The following ZNF536 variants were observed in gnomAD, a reference collection of about 807,000 sequenced individuals.
ZNF536 encodes zinc finger protein 536.
Under a neutral mutation model 84.5 loss-of-function variants are expected in ZNF536, and 13 were observed. The observed-to-expected ratio is 0.15, with a 90% CI of 0.10 to 0.24. The LOEUF is 0.24. Among genes scored for constraint, ZNF536 ranks in the 10% least tolerant of loss-of-function variants. The probability of loss-of-function intolerance (pLI) is 1.00; values close to 1 mark genes in which losing one functional copy is unlikely to be tolerated. For missense variants in ZNF536, 1,536 were observed against 1,747.5 expected (o/e 0.88, Z 2.16); for synonymous variants, 811 against 742.5 (o/e 1.09, Z -1.50).
intron 2 of ZNF536, among the ~76,000 whole-genome samples, chr19:30,449,399 C>T (rs896153445): frequency 6.6e-6 from 1 of 152,212 alleles, no homozygotes; most frequent in African/African-American, 2.4e-5. Context: ...TCTCTAAAAC[C>T]TCCTCTAGGG....
intron 2 of ZNF536, among the ~76,000 whole-genome samples, chr19:30,522,835 A>AAT (rs973547820): frequency 6.6e-6 from 1 of 152,134 alleles, no homozygotes; most frequent in Non-Finnish European, 1.5e-5. Context: ...TATGGTTCTA[A>AAT]ATATATATAT....
Position 30,444,801 on chromosome 19 carries a change from G to T in ZNF536, c.1239G>T (p.Val413=). The T allele has an allele frequency of 1.2e-6, 2 of 1,613,920 alleles. No individual in the cohort carries two copies. Among genetic ancestry groups the T allele is most frequent in the Non-Finnish European group, 1.7e-6 (2 of 1,180,042 alleles). The change falls in exon 2 of 5, where the codon GTG becomes GTT. Residue 413 remains valine, a synonymous_variant. Coordinates refer to ENST00000355537, the MANE Select transcript of ZNF536 (RefSeq NM_014717.3). Reference sequence around the variant, plus strand: ...CCCCCAGCGACCCCGAGGTGCCTGTGCCCATGGGCGGCATGTCCCAGGAGG... The same window carrying T: ...CCCCCAGCGACCCCGAGGTGCCTGTTCCCATGGGCGGCATGTCCCAGGAGG... ...NKSPSDPEVP[V]PMGGMSQEAH... is the part of the protein sequence containing the mutation.
rs35137042 is a variant in ZNF536, at chr19:30,649,549, C to CT, written c.170-61190dup. ...TGATATTTATTAAAGCAGCATTTTC[C>CT]TTTTTTTTTTTTTTTTTTGCTATTG... On this transcript the variant is annotated intron_variant, in intron 1 of 1. Coordinates refer to the ZNF536 transcript ENST00000592773. Among the ~76,000 whole-genome samples the CT allele has an allele frequency of 8.5e-3, 1,048 of 123,856 alleles. 12 individuals carry two copies. Among genetic ancestry groups the CT allele is most frequent in the African/African-American group, 0.018 (608 of 32,978 alleles). The allele number at this position is 123,856 out of a possible 152,430, so 81.3% of individuals were successfully genotyped here.
chr19:30,648,989 GA>G (rs1235135421), intron 1 of ZNF536, among the ~76,000 whole-genome samples: 3 of 152,148 alleles, frequency 2.0e-5, no homozygotes, highest in Non-Finnish European at 4.4e-5. Context: ...TTTCTTCACT[GA>G]AAGAGTCTAT....
intron 1 of ZNF536, chr19:30,668,683 A>G (rs946657861): frequency 1.4e-5 from 2 of 147,922 alleles, no homozygotes; most frequent in Non-Finnish European, 3.0e-5. Flanking sequence ...GGTCTCCTCT[A>G]TAAGGCGGGT....
Position 30,704,256 on chromosome 19 carries a change from A to G in ZNF536, c.170-6501A>G, listed in dbSNP as rs139843255. On this transcript the variant is annotated intron_variant, in intron 1 of 1. Transcript: ENST00000592773. ...TATTCTGCATCTTCAACATTGATGG[A>G]CATTAGCATCTTCCTTACACCTCTA... is the stretch of plus-strand genomic sequence containing the variant. 2.0e-3 allele frequency among the ~76,000 whole-genome samples: 300 copies of G among 152,320 alleles called. 2 individuals are homozygous for G. The highest frequency in any genetic ancestry group is 6.9e-3 in the African/African-American group (287 of 41,568).
At chr19:30,253,875 CAGAT>C (rs2024761784) in intron 1 of ZNF536, among the ~76,000 whole-genome samples, 1 of 152,120 alleles carries the variant, frequency 6.6e-6, no homozygotes, top group Admixed American at 6.5e-5. Flanking sequence ...AAAGCCTCAT[CAGAT>C]TAGTGAGTCA....
chr19:30,557,036 T>C, intron 4 of ZNF536, 121 bp from the exon 5 acceptor site: 1 of 1,139,354 alleles, frequency 8.8e-7, no homozygotes, highest in South Asian at 1.5e-5. Context: ...ATTTTATAAA[T>C]AACACTTTAT....
intron 2 of ZNF536, among the ~76,000 whole-genome samples, chr19:30,492,362 T>C (rs1171301462): frequency 6.6e-6 from 1 of 152,220 alleles, no homozygotes; most frequent in African/African-American, 2.4e-5. Flanking sequence ...CAATGGCATG[T>C]ATCTCGTACA....
chr19:30,609,255 A>C (rs2048005356), intron 1 of ZNF536, among the ~76,000 whole-genome samples: 2 of 152,318 alleles, frequency 1.3e-5, no homozygotes, highest in Admixed American at 1.3e-4. Flanking sequence ...TGAGCCTTCT[A>C]TCAGTCAATA....
At chr19:30,656,870 C>T (rs888602239) in intron 1 of ZNF536, among the ~76,000 whole-genome samples, 4 of 152,130 alleles carry the variant, frequency 2.6e-5, no homozygotes, top group Admixed American at 6.5e-5. Flanking sequence ...AGGGGAGATG[C>T]GAGGGCTGGG....
intron 4 of ZNF536, among the ~76,000 whole-genome samples, chr19:30,551,898 C>G (rs919933808): frequency 2.6e-5 from 4 of 152,150 alleles, no homozygotes; most frequent in Non-Finnish European, 5.9e-5. Context: ...CATCCCACTC[C>G]CCCCATATCT....
chr19:30,579,816 G>A (rs1486615034), intron 1 of ZNF536, among the ~76,000 whole-genome samples: 1 of 152,138 alleles, frequency 6.6e-6, no homozygotes, highest in African/African-American at 2.4e-5. Flanking sequence ...ACAGCACTCT[G>A]GTGAGATGTT....
At chr19:30,454,543 A>G (rs1162776251) in intron 2 of ZNF536, among the ~76,000 whole-genome samples, 1 of 152,230 alleles carries the variant, frequency 6.6e-6, no homozygotes, top group Non-Finnish European at 1.5e-5. Flanking sequence ...TGTTGCTAAA[A>G]TATGTGTTTT....
chr19:30,248,538 C>T (rs569195378), intron 1 of ZNF536, among the ~76,000 whole-genome samples: 1 of 152,056 alleles, frequency 6.6e-6, no homozygotes, highest in Non-Finnish European at 1.5e-5. Context: ...GCCACTGTGC[C>T]CAACCAGAAT....
intron 1 of ZNF536, among the ~76,000 whole-genome samples, chr19:30,438,521 C>T (rs541153600): frequency 6.6e-6 from 1 of 152,198 alleles, no homozygotes; most frequent in African/African-American, 2.4e-5. Context: ...TGGGGGTGGG[C>T]TGTGGCAGGA....
chr19:30,665,087 T>C (rs1330514768), intron 1 of ZNF536, among the ~76,000 whole-genome samples: 2 of 152,354 alleles, frequency 1.3e-5, no homozygotes, highest in East Asian at 3.9e-4. Flanking sequence ...CTCATGCCTG[T>C]AATCCCAGCA....
At chr19:30,437,101 C>A (rs999426035) in intron 1 of ZNF536, among the ~76,000 whole-genome samples, 3 of 152,094 alleles carry the variant, frequency 2.0e-5, no homozygotes, top group Non-Finnish European at 4.4e-5. Flanking sequence ...GGAAAAAGCT[C>A]TTTCATACAA....
At chr19:30,411,520 ATGT>A (rs2050495060) in intron 1 of ZNF536, among the ~76,000 whole-genome samples, 2 of 152,134 alleles carry the variant, frequency 1.3e-5, no homozygotes, top group African/African-American at 4.8e-5. Context: ...GTGTGAAGTA[ATGT>A]TGTGTAATGT....
Sources: allele counts gnomAD v4.1 joint callset (sites outside exome capture counted in the v4.1 genomes callset), GRCh38; gene constraint gnomAD v4.1.1; transcripts MANE v1.5; gene names NCBI Gene and HGNC (gene_info 2026-07-23, HGNC 2026-07-21).